PTPRA: variants seen among roughly 807,000 people sequenced by gnomAD.
The protein encoded by PTPRA is protein tyrosine phosphatase receptor type A.
A neutral mutation model predicts 104.8 loss-of-function variants in PTPRA; 25 were observed. The observed-to-expected ratio is 0.24, with a 90% confidence interval of 0.17 to 0.33. The LOEUF (loss-of-function observed/expected upper bound fraction) is 0.33, where lower values mean the gene tolerates loss of function less well. Among genes scored for constraint, PTPRA ranks in the 10% least tolerant of loss-of-function variants. The pLI is 1.00. For missense variants in PTPRA, 765 were observed against 1,015.3 expected, an observed-to-expected ratio of 0.75 and a Z score of 3.35; for synonymous variants, 323 against 368.9, an observed-to-expected ratio of 0.88 and a Z score of 1.43.
At chr20:2,997,990 G>T (rs555553460) in intron 9 of PTPRA, among the ~76,000 whole-genome samples, 2 of 152,056 alleles carry the variant, frequency 1.3e-5, no homozygotes, top group Non-Finnish European at 2.9e-5. Flanking sequence ...TTAGCCAGGC[G>T]TGATGGCACA....
Position 3,027,107 on chromosome 20 carries a change from T to C in PTPRA, c.1709-14T>C. 5.6e-6 allele frequency: 9 copies of C among 1,613,144 alleles called. No homozygotes were observed. The highest frequency in any genetic ancestry group is 7.6e-6 in the Non-Finnish European group (9 of 1,179,074). ...ATGATATTGGCTAGCCATAAGCCGC[T>C]ATTCTTCTTACAGATGAATTCAACA... On this transcript the variant is annotated splice_polypyrimidine_tract_variant and intron_variant, in intron 18 of 23. Transcript: ENST00000399903.
At chr20:2,961,324 C>T (rs751712255) in intron 3 of PTPRA, among the ~76,000 whole-genome samples, 1 of 152,108 alleles carries the variant, frequency 6.6e-6, no homozygotes. Flanking sequence ...ATTTTAAAAC[C>T]AAAATCCATT....
chr20:2,872,641 G>A (rs2089457753), upstream of PTPRA, among the ~76,000 whole-genome samples: 1 of 152,222 alleles, frequency 6.6e-6, no homozygotes, highest in Non-Finnish European at 1.5e-5. This position sits in a 1 kb window ranked among gnomAD's most constrained non-coding sequence, Gnocchi z 7.9. Flanking sequence ...TGCAGCACCC[G>A]CGGGGATCCG....
rs556251194 is a variant in PTPRA at position 3,021,727 on chromosome 20, T to C, written c.1161+299T>C. On this transcript the variant is annotated intron_variant, in intron 14 of 23. Transcript: ENST00000399903. ...CTAGGTGCTTGACTCACCTTTCTCC[T>C]CCTTTCCTACTCCAAAGACTCCTGA... 5.9e-5 allele frequency among the ~76,000 whole-genome samples: 9 copies of C among 152,338 alleles called. 1 individual carries two copies. The highest frequency in any genetic ancestry group is 2.2e-4 in the African/African-American group (9 of 41,576).
chr20:2,958,161 G>A (rs956505497), intron 3 of PTPRA, among the ~76,000 whole-genome samples: 2 of 152,134 alleles, frequency 1.3e-5, no homozygotes, highest in Non-Finnish European at 2.9e-5. Context: ...GGGTTCAAGA[G>A]ACTGAAGGCC....
At chr20:2,944,688 T>C (rs1428208506) in intron 2 of PTPRA, among the ~76,000 whole-genome samples, 1 of 152,236 alleles carries the variant, frequency 6.6e-6, no homozygotes, top group Non-Finnish European at 1.5e-5. Context: ...AAAAGGCATG[T>C]GTACAAGGAT....
chr20:3,021,962 G>A, intron 14 of PTPRA, 92 bp from the exon 15 acceptor site: 1 of 1,486,590 alleles, frequency 6.7e-7, no homozygotes, highest in South Asian at 1.3e-5. Context: ...CTTTTCCATT[G>A]TCACTGACAA....
intron 9 of PTPRA, 103 bp from the exon 10 acceptor site, chr20:3,004,953 G>A (rs1490459809): frequency 1.9e-6 from 2 of 1,043,438 alleles, no homozygotes; most frequent in African/African-American, 1.6e-5. Context: ...TTTCCCCCCA[G>A]GAAAAGGTAG....
At chr20:2,952,558 TATACAC>T (rs1459522809) in intron 3 of PTPRA, among the ~76,000 whole-genome samples, 1 of 152,200 alleles carries the variant, frequency 6.6e-6, no homozygotes, top group African/African-American at 2.4e-5. Flanking sequence ...GTAGTTAAAA[TATACAC>T]ATAATACAAA....
chr20:2,964,796 G>C, intron 4 of PTPRA, 65 bp from the exon 5 acceptor site: 1 of 1,398,088 alleles, frequency 7.2e-7, no homozygotes, highest in Non-Finnish European at 9.9e-7. Context: ...TTGCTGCTTT[G>C]TGTCTCACAG....
intron 1 of PTPRA, among the ~76,000 whole-genome samples, chr20:2,920,810 A>G (rs1419772956): frequency 1.3e-5 from 2 of 151,714 alleles, no homozygotes; most frequent in African/African-American, 4.8e-5. Flanking sequence ...GATGGGGGGC[A>G]TTGGGAATGT....
At chr20:2,896,430 C>T (rs1455241945) in intron 1 of PTPRA, among the ~76,000 whole-genome samples, 1 of 152,094 alleles carries the variant, frequency 6.6e-6, no homozygotes, top group African/African-American at 2.4e-5. Flanking sequence ...AGAATACGGC[C>T]TACATGCACT....
Position 2,924,037 on chromosome 20 carries a change from A to G in PTPRA, c.-50+752A>G, listed in dbSNP as rs184242510. ...AATATATGTCTACACAAAAGTGCAC[A>G]TACAAATGTTCACTGCAGCTTTATG... On this transcript the variant is annotated intron_variant, in intron 2 of 23. Transcript: ENST00000399903. Among the ~76,000 whole-genome samples, 403 of 152,346 alleles carry G rather than the reference A, an allele frequency of 2.6e-3. 3 individuals carry two copies. Among genetic ancestry groups the G allele is most frequent in the African/African-American group, 8.6e-3 (358 of 41,570 alleles).
At chr20:2,948,717 C>A (rs1161162800) in intron 3 of PTPRA, among the ~76,000 whole-genome samples, 3 of 151,774 alleles carry the variant, frequency 2.0e-5, no homozygotes, top group African/African-American at 7.2e-5. Context: ...TTTGGGAGGC[C>A]AAGGTGGGCG....
chr20:2,974,243 C>T (rs543844425), intron 5 of PTPRA, among the ~76,000 whole-genome samples: 39 of 151,882 alleles, frequency 2.6e-4, no homozygotes, highest in African/African-American at 6.0e-4. Flanking sequence ...CGTGAGCCAC[C>T]GCGCCCGGCC....
intron 1 of PTPRA, among the ~76,000 whole-genome samples, chr20:2,882,383 A>T (rs1024480433): frequency 6.7e-6 from 1 of 150,060 alleles, no homozygotes; most frequent in African/African-American, 2.5e-5. Context: ...TTGACCTCCC[A>T]GTCTCAAGTG....
chr20:2,968,781 G>T (rs564423379), intron 5 of PTPRA, among the ~76,000 whole-genome samples: 3 of 152,204 alleles, frequency 2.0e-5, no homozygotes, highest in African/African-American at 7.2e-5. Flanking sequence ...GGGCCTAATG[G>T]CTCATGCCTG....
intron 2 of PTPRA, among the ~76,000 whole-genome samples, chr20:2,942,494 C>G (rs1410655386): frequency 6.6e-6 from 1 of 151,704 alleles, no homozygotes; most frequent in Non-Finnish European, 1.5e-5. Flanking sequence ...TATTATTAGG[C>G]TTTATAATTT....
intron 3 of PTPRA, among the ~76,000 whole-genome samples, chr20:2,953,101 T>C (rs1256147802): frequency 6.6e-6 from 1 of 152,210 alleles, no homozygotes. Context: ...ATGTTAATAC[T>C]GTATTTAGTT....
Sources: gnomAD v4.1 joint callset for allele counts (sites outside exome capture counted in the v4.1 genomes callset) on GRCh38, gnomAD v4.1.1 for gene constraint, Gnocchi (gnomAD v3.1) non-coding constraint, MANE v1.5 for transcripts, NCBI Gene and HGNC (gene_info 2026-07-23, HGNC 2026-07-21) for gene names.